ASB1: variants seen among roughly 807,000 people sequenced by gnomAD.
ASB1 encodes ankyrin repeat and SOCS box containing 1.
In ASB1, 18 loss-of-function variants were observed where a neutral mutation model predicts 27.7. That is an observed-to-expected ratio of 0.65 (90% CI 0.45 to 0.96). The LOEUF (loss-of-function observed/expected upper bound fraction) is 0.96, where lower values mean the gene tolerates loss of function less well. Among genes scored for constraint, ASB1 ranks in the 50% least tolerant of loss-of-function variants. ASB1 has a pLI of 0.00. For missense variants in ASB1, 397 were observed against 451.7 expected, an observed-to-expected ratio of 0.88 and a Z score of 1.10; for synonymous variants, 189 against 187.6, an observed-to-expected ratio of 1.01 and a Z score of -0.06.
At chr2:238,437,842 C>T (rs1702002290) in intron 3 of ASB1, among the ~76,000 whole-genome samples, 1 of 152,122 alleles carries the variant, frequency 6.6e-6, no homozygotes, top group Admixed American at 6.5e-5. Flanking sequence ...AAATTAGGTA[C>T]TGAGAATATG....
At chr2:238,427,710 C>A (rs1473874474) in intron 1 of ASB1, 1 of 152,380 alleles carries the variant, frequency 6.6e-6, no homozygotes. Context: ...AAATAACTGT[C>A]CTACTTAGGG....
chr2:238,431,547 G>C (rs1305000940), intron 1 of ASB1, among the ~76,000 whole-genome samples: 1 of 152,212 alleles, frequency 6.6e-6, no homozygotes, highest in Non-Finnish European at 1.5e-5. Flanking sequence ...TTCACAACTT[G>C]GCTGTTTGGC....
In ASB1 at chr2:238,426,941, G is replaced by T. The variant is rs1026520020; in HGVS notation, c.-130G>T. ...CCCCGGAAACCAGTGAGGCCGGCGC[G>T]CGCCCGCCGGAAGCCGCGACCCCGA... is the stretch of plus-strand genomic sequence containing the variant. On this transcript the variant is annotated 5_prime_UTR_variant, in exon 1 of 5. Transcript: ENST00000264607. 188 of 650,150 alleles carry T rather than the reference G, an allele frequency of 2.9e-4. No homozygotes were observed. Among genetic ancestry groups the T allele is most frequent in the Non-Finnish European group, 3.8e-4 (176 of 462,830 alleles). 40.3% of individuals were successfully genotyped at this position (650,150 alleles called of 1,614,324 possible). A position where few individuals can be genotyped will look rare whatever the true frequency, so the allele number is the denominator to read the frequency against.
At chr2:238,445,780 A>T (rs962179556) in intron 4 of ASB1, among the ~76,000 whole-genome samples, 7 of 152,250 alleles carry the variant, frequency 4.6e-5, no homozygotes, top group African/African-American at 1.7e-4. Context: ...TCATTAAAGC[A>T]TGCTCCTGTG....
chr2:238,451,044 ACC>A lies in ASB1; in HGVS notation c.*4534_*4535del, dbSNP rs1333894924. The A allele has an allele frequency of 6.6e-6, 1 of 151,210 alleles. No individual in the cohort carries two copies. Among genetic ancestry groups the A allele is most frequent in the Non-Finnish European group, 1.5e-5 (1 of 67,784 alleles). 9.4% of individuals were successfully genotyped at this position (151,210 alleles called of 1,614,324 possible). The stretch of plus-strand genomic sequence containing the variant: ...TGTGGAATGAACGCTCCAAACCCGA[ACC>A]TCTCAGTGTGGAATGAACGCTCCAA... On this transcript the variant is annotated 3_prime_UTR_variant, in exon 5 of 5. Transcript: ENST00000264607.
chr2:238,444,549 C>A lies in ASB1; in HGVS notation c.702C>A (p.Gly234=), dbSNP rs548819329. 1 of 1,614,218 alleles carries A rather than the reference C, an allele frequency of 6.2e-7. No individual in the cohort carries two copies. Among genetic ancestry groups the A allele is most frequent in the Non-Finnish European group, 8.5e-7 (1 of 1,180,048 alleles). ...GPVNTQGFYR[G]SPGCVMDAVL... ...TCAACACACAGGGATTCTACAGGGG[C>A]TCCCCTGGGTGCGTCATGGATGCTG... Residue 234 remains glycine, a synonymous_variant, in exon 4 of 5, where the codon GGC becomes GGA. Coordinates refer to ENST00000264607, the MANE Select transcript of ASB1 (RefSeq NM_001040445.3).
At chr2:238,439,710 C>G (rs1702043697) in intron 3 of ASB1, among the ~76,000 whole-genome samples, 1 of 152,106 alleles carries the variant, frequency 6.6e-6, no homozygotes, top group Non-Finnish European at 1.5e-5. Flanking sequence ...GCGTTTTGGG[C>G]AGGAATCGCA....
At chr2:238,444,095 G>A (rs1702129502) in intron 3 of ASB1, among the ~76,000 whole-genome samples, 1 of 152,148 alleles carries the variant, frequency 6.6e-6, no homozygotes, top group Non-Finnish European at 1.5e-5. Flanking sequence ...TGGGATTATT[G>A]GACCTTTAAT....
intron 3 of ASB1, among the ~76,000 whole-genome samples, chr2:238,438,827 A>G (rs891183266): frequency 9.9e-5 from 15 of 152,218 alleles, no homozygotes; most frequent in African/African-American, 3.6e-4. Flanking sequence ...TGTATTGCCC[A>G]TATTTTAGAA....
At chr2:238,429,812 C>T (rs1701831602) in intron 1 of ASB1, among the ~76,000 whole-genome samples, 1 of 151,952 alleles carries the variant, frequency 6.6e-6, no homozygotes, top group East Asian at 1.9e-4. Context: ...GTGGCGGGTA[C>T]CTGTAGTCCC....
chr2:238,437,811 C>T (rs922884068), intron 3 of ASB1, among the ~76,000 whole-genome samples: 1 of 152,136 alleles, frequency 6.6e-6, no homozygotes, highest in Non-Finnish European at 1.5e-5. Flanking sequence ...TTCCCTTTAC[C>T]CAGCACAGAA....
chr2:238,444,326 C>T lies in ASB1; in HGVS notation c.495-16C>T, dbSNP rs1415259657. On this transcript the variant is annotated splice_polypyrimidine_tract_variant and intron_variant, in intron 3 of 4. Coordinates refer to ENST00000264607, the MANE Select transcript of ASB1 (RefSeq NM_001040445.3). ...CAGTCCCCTGCACAGTCTGACTTTCCCTTTCTTCCCTGCAGGTACGGGGCT... is the reference window on the plus strand; with the variant it reads ...CAGTCCCCTGCACAGTCTGACTTTCTCTTTCTTCCCTGCAGGTACGGGGCT... 3.8e-6 allele frequency: 6 copies of T among 1,589,090 alleles called. No individual in the cohort carries two copies. The highest frequency in any genetic ancestry group is 5.2e-6 in the Non-Finnish European group (6 of 1,163,322).
chr2:238,446,641 G>C lies in ASB1; in HGVS notation c.*130G>C. 8.1e-7 allele frequency: 1 copy of C among 1,234,392 alleles called. No individual in the cohort carries two copies. The allele number at this position is 1,234,392 out of a possible 1,614,324, so 76.5% of individuals were successfully genotyped here. ...GCTGCAGAAGATGTCCTCGTAGACT[G>C]TCATTGCTCCTCAGGTGCCTGGGCC... On this transcript the variant is annotated 3_prime_UTR_variant, in exon 5 of 5. Coordinates refer to ENST00000264607, the MANE Select transcript of ASB1 (RefSeq NM_001040445.3).
chr2:238,443,353 C>T (rs535248331), intron 3 of ASB1, among the ~76,000 whole-genome samples: 2 of 152,260 alleles, frequency 1.3e-5, no homozygotes, highest in South Asian at 4.1e-4. Context: ...TTATATGAAG[C>T]CTATTGGTTT....
chr2:238,439,493 A>G (rs1486752434), intron 3 of ASB1, among the ~76,000 whole-genome samples: 1 of 152,182 alleles, frequency 6.6e-6, no homozygotes, highest in East Asian at 1.9e-4. Flanking sequence ...TGATTGCGGC[A>G]TGGAAGGTGA....
intron 3 of ASB1, among the ~76,000 whole-genome samples, chr2:238,442,424 T>G (rs1048604767): frequency 1.3e-5 from 2 of 152,178 alleles, no homozygotes; most frequent in African/African-American, 4.8e-5. Flanking sequence ...ATCTCTCTAA[T>G]TTTTCTGTAG....
In ASB1 at chr2:238,427,089, C is replaced by G. The variant is rs1164941387; in HGVS notation, c.19C>G (p.Pro7Ala). The change falls in exon 1 of 5, where the codon CCA becomes GCA. Residue 7 changes from proline (P) to alanine (A), a missense_variant. By Grantham distance (27) the Pro-to-Ala change is conservative. Transcript: ENST00000264607. Reference sequence around the variant, plus strand: ...AGCATCCATGGCGGAGGGCGGCAGCCCAGACGGGCGGGCAGGGCCGGGCTC... The same window carrying G: ...AGCATCCATGGCGGAGGGCGGCAGCGCAGACGGGCGGGCAGGGCCGGGCTC... Reference protein sequence around the residue: MAEGGSPDGRAGPGSAG... With the variant: MAEGGSADGRAGPGSAG... The G allele has an allele frequency of 4.0e-6, 5 of 1,263,076 alleles. No homozygotes were observed. In the South Asian group the frequency reaches 1.4e-4, roughly 36 times the overall value. The allele number at this position is 1,263,076 out of a possible 1,614,324, so 78.2% of individuals were successfully genotyped here. A position where few individuals can be genotyped will look rare whatever the true frequency, so the allele number is the denominator to read the frequency against.
chr2:238,436,490 T>C (rs1397152236), intron 3 of ASB1, among the ~76,000 whole-genome samples: 1 of 152,022 alleles, frequency 6.6e-6, no homozygotes, highest in East Asian at 1.9e-4. Context: ...AAAAAATTAT[T>C]ATTATTATTA....
intron 3 of ASB1, among the ~76,000 whole-genome samples, chr2:238,441,922 A>G (rs1702085391): frequency 2.0e-5 from 3 of 152,234 alleles, no homozygotes; most frequent in Non-Finnish European, 4.4e-5. Context: ...CACAGGGGGA[A>G]AGTTCACTTT....
Sources: allele counts gnomAD v4.1 joint callset (sites outside exome capture counted in the v4.1 genomes callset), GRCh38; gene constraint gnomAD v4.1.1; transcripts MANE v1.5; gene names NCBI Gene and HGNC (gene_info 2026-07-23, HGNC 2026-07-21).